CSMD1: variants seen among roughly 807,000 people sequenced by gnomAD.
The protein encoded by CSMD1 is CUB and Sushi multiple domains 1.
In CSMD1, 213 loss-of-function variants were observed where a neutral mutation model predicts 417.5. The observed-to-expected ratio is 0.51, with a 90% CI of 0.46 to 0.57. The LOEUF is 0.57. Ranked by LOEUF, CSMD1 falls within the 20% of genes least tolerant of loss-of-function variation. The pLI is 0.00. For synonymous variants in CSMD1, 2,862 were observed against 1,736.8 expected, an observed-to-expected ratio of 1.65 and a Z score of -16.11; for missense variants, 6,923 against 4,529.7, an observed-to-expected ratio of 1.53 and a Z score of -15.17.
intron 5 of CSMD1, among the ~76,000 whole-genome samples, chr8:3,855,488 T>C (rs981516218): frequency 6.6e-6 from 1 of 152,196 alleles, no homozygotes; most frequent in Non-Finnish European, 1.5e-5. Flanking sequence ...TATGAAGATA[T>C]AAGCTCATAT....
chr8:3,535,354 C>T (rs369769918), intron 10 of CSMD1, among the ~76,000 whole-genome samples: 1 of 152,122 alleles, frequency 6.6e-6, no homozygotes, highest in African/African-American at 2.4e-5. Context: ...ATAGGAAGAA[C>T]CTGAGTCCAG....
chr8:4,376,706 G>A (rs1802769260), intron 3 of CSMD1, among the ~76,000 whole-genome samples: 1 of 152,100 alleles, frequency 6.6e-6, no homozygotes, highest in African/African-American at 2.4e-5. Flanking sequence ...TTTAATCTTT[G>A]CAAACTGATT....
intron 55 of CSMD1, among the ~76,000 whole-genome samples, chr8:2,976,223 A>G (rs1269018701): frequency 7.5e-6 from 1 of 133,038 alleles, no homozygotes; most frequent in Non-Finnish European, 1.6e-5. Flanking sequence ...TCACTTGGAG[A>G]AAAAAAAAAA....
rs185436773 is a variant in CSMD1 at position 4,422,280 on chromosome 8, T to C, written c.303-2215A>G. ...GTAAGTGGATAGAATGCTTTTGTAG[T>C]AATTTTGTGGCATTGACACTACCCT... On this transcript the variant is annotated intron_variant, in intron 2 of 69. Transcript: ENST00000635120. Among the ~76,000 whole-genome samples the C allele has an allele frequency of 1.1e-3, 161 of 152,228 alleles. 1 individual carries two copies. The highest frequency in any genetic ancestry group is 3.5e-3 in the Admixed American group (53 of 15,260).
chr8:4,687,247 G>A (rs1393212276), intron 1 of CSMD1, among the ~76,000 whole-genome samples: 1 of 152,212 alleles, frequency 6.6e-6, no homozygotes, highest in Non-Finnish European at 1.5e-5. Flanking sequence ...GTAGCCACAG[G>A]ATGCTGGCAC....
chr8:4,613,459 C>T (rs1801298532), intron 2 of CSMD1, among the ~76,000 whole-genome samples: 1 of 152,154 alleles, frequency 6.6e-6, no homozygotes, highest in South Asian at 2.1e-4. Flanking sequence ...AAGTTTGCTG[C>T]ACCTGTTCAC....
At chr8:4,417,247 C>T (rs11993264) in intron 3 of CSMD1, among the ~76,000 whole-genome samples, 38,967 of 151,894 alleles carry the variant, frequency 0.26, 5,828 homozygotes, top group African/African-American at 0.41. Flanking sequence ...TGACTGAACA[C>T]GTTGATTACA....
intron 7 of CSMD1, among the ~76,000 whole-genome samples, chr8:3,681,966 G>T (rs978087072): frequency 6.6e-6 from 1 of 152,164 alleles, no homozygotes. Flanking sequence ...AACAAATGGT[G>T]CTGGGAAAAC....
chr8:4,732,912 T>C (rs1809995870), intron 1 of CSMD1, among the ~76,000 whole-genome samples: 1 of 152,058 alleles, frequency 6.6e-6, no homozygotes. Flanking sequence ...CCTGCTGGGA[T>C]GGCAGAGGAG....
Position 3,820,423 on chromosome 8 carries a change from A to G in CSMD1, c.819-66381T>C, listed in dbSNP as rs73658291. Among the ~76,000 whole-genome samples, 217 of 152,340 alleles carry G rather than the reference A, an allele frequency of 1.4e-3. 2 individuals are homozygous for G. The highest frequency in any genetic ancestry group is 4.4e-3 in the African/African-American group (183 of 41,584). On this transcript the variant is annotated intron_variant, in intron 5 of 69. Transcript: ENST00000635120. Reference sequence around the variant, plus strand: ...GAGTCATATACATTAGCTTAGGCCTACACAGGGTCAGGACAATCAATATCA... The same window carrying G: ...GAGTCATATACATTAGCTTAGGCCTGCACAGGGTCAGGACAATCAATATCA...
Position 3,682,455 on chromosome 8 carries a change from C to T in CSMD1, c.1009+25959G>A, listed in dbSNP as rs192948333. ...CACATGAAAAAATGCTCATCATCAC[C>T]GGCCATCAGAGAAATGCAAATCACA... On this transcript the variant is annotated intron_variant, in intron 7 of 69. Transcript: ENST00000635120. Among the ~76,000 whole-genome samples the T allele has an allele frequency of 8.6e-3, 1,314 of 152,184 alleles. 16 individuals are homozygous for T. Among genetic ancestry groups the T allele is most frequent in the African/African-American group, 0.029 (1,190 of 41,524 alleles).
intron 1 of CSMD1, among the ~76,000 whole-genome samples, chr8:4,795,370 C>G (rs1031094379): frequency 7.0e-6 from 1 of 142,268 alleles, no homozygotes; most frequent in Non-Finnish European, 1.5e-5. Flanking sequence ...CTCCCAGGTT[C>G]AAGCAATTCT....
chr8:3,439,033 G>C (rs766198930), intron 12 of CSMD1, among the ~76,000 whole-genome samples: 12 of 136,110 alleles, frequency 8.8e-5, no homozygotes, highest in Non-Finnish European at 1.5e-4. Flanking sequence ...GAGGCAGGGA[G>C]AATTGCTTCA....
At chr8:4,464,596 G>C (rs557941962) in intron 2 of CSMD1, among the ~76,000 whole-genome samples, 1 of 152,230 alleles carries the variant, frequency 6.6e-6, no homozygotes, top group Admixed American at 6.5e-5. Context: ...TACTGAACGT[G>C]TTATTACTTT....
In CSMD1 at chr8:4,580,547, C is replaced by T. The variant is rs532944984; in HGVS notation, c.302+56795G>A. 5.3e-5 allele frequency among the ~76,000 whole-genome samples: 8 copies of T among 152,118 alleles called. No homozygotes were observed. In the East Asian group the frequency reaches 1.4e-3, roughly 26 times the overall value. ...GTCGGGTTCCCAGCTTGAGTTGTTC[C>T]CCATGTCGGGCGTCTCATGAGGCTC... On this transcript the variant is annotated intron_variant, in intron 2 of 69. Coordinates refer to ENST00000635120, the MANE Select transcript of CSMD1 (RefSeq NM_033225.6).
chr8:3,762,316 C>G (rs183301200), intron 5 of CSMD1, among the ~76,000 whole-genome samples: 204 of 152,294 alleles, frequency 1.3e-3, no homozygotes, highest in African/African-American at 4.8e-3. Flanking sequence ...CTGGTCGTTT[C>G]TGGCTCTCCT....
At chr8:4,148,410 C>G (rs1325368787) in intron 3 of CSMD1, among the ~76,000 whole-genome samples, 2 of 151,710 alleles carry the variant, frequency 1.3e-5, no homozygotes, top group African/African-American at 2.4e-5. Context: ...GGAGATATAC[C>G]TAATGTTAAA....
Position 3,548,237 on chromosome 8 carries a change from C to T in CSMD1, c.1344+26708G>A, listed in dbSNP as rs557349116. ...GGGCTGATGGAGCCATCTCAGTGCC[C>T]AGTTCTGCCCTTCCTCACTCTCTGT... is the stretch of plus-strand genomic sequence containing the variant. On this transcript the variant is annotated intron_variant, in intron 10 of 69. Transcript: ENST00000635120. 2.6e-5 allele frequency among the ~76,000 whole-genome samples: 4 copies of T among 152,158 alleles called. No individual in the cohort carries two copies. In the South Asian group the frequency reaches 6.2e-4, roughly 24 times the overall value.
At chr8:3,145,591 C>T (rs1030570718) in intron 40 of CSMD1, among the ~76,000 whole-genome samples, 1 of 152,110 alleles carries the variant, frequency 6.6e-6, no homozygotes, top group African/African-American at 2.4e-5. Context: ...AATTATACAG[C>T]CACATATCAA....
Sources: allele counts gnomAD v4.1 joint callset (sites outside exome capture counted in the v4.1 genomes callset), GRCh38; gene constraint gnomAD v4.1.1; transcripts MANE v1.5; gene names NCBI Gene and HGNC (gene_info 2026-07-23, HGNC 2026-07-21).